The following PGAP2 variants were observed in gnomAD, a reference collection of about 807,000 sequenced individuals.
PGAP2 encodes acyltransferase PGAP2.
Under a neutral mutation model 33.2 loss-of-function variants are expected in PGAP2, and 21 were observed. The ratio of observed to expected loss-of-function variants is 0.63; its 90% CI spans 0.45 to 0.91. The LOEUF (loss-of-function observed/expected upper bound fraction) is 0.91, where lower values mean the gene tolerates loss of function less well. Among genes scored for constraint, PGAP2 ranks in the 40% least tolerant of loss-of-function variants. The pLI, the probability that PGAP2 is intolerant of heterozygous loss-of-function variation, is 0.00. For synonymous variants in PGAP2, 161 were observed against 172.9 expected (o/e 0.93, Z 0.54); for missense variants, 345 against 424.0 (o/e 0.81, Z 1.64).
In PGAP2 at chr11:3,824,380, C is replaced by CG; in HGVS notation, c.708+6dup. 1 of 1,614,088 alleles carries CG rather than the reference C, an allele frequency of 6.2e-7. No homozygotes were observed. Among genetic ancestry groups the CG allele is most frequent in the Non-Finnish European group, 8.5e-7 (1 of 1,179,940 alleles). On this transcript the variant is annotated splice_donor_region_variant and intron_variant, in intron 5 of 6. Coordinates refer to ENST00000278243, the MANE Select transcript of PGAP2 (RefSeq NM_014489.4). ...GAAGCACACAGTAAGTCAGGAGGTA[C>CG]GGTCTATCCCTAGCGGGGGCTCCAA...
chr11:3,808,850 G>A (rs1391404364), intron 1 of PGAP2, among the ~76,000 whole-genome samples, 199 bp downstream of exon 1: 1 of 152,212 alleles, frequency 6.6e-6, no homozygotes, highest in Non-Finnish European at 1.5e-5. Flanking sequence ...TCCCCAGCGT[G>A]GGGCCGGGTG....
At chr11:3,798,613 G>C (rs764418630) in intron 1 of PGAP2, among the ~76,000 whole-genome samples, 3 of 147,212 alleles carry the variant, frequency 2.0e-5, no homozygotes, top group Non-Finnish European at 3.0e-5. Context: ...TTACAGACGT[G>C]AGCCACCTCG....
At chr11:3,799,471 G>T (rs1397483183) in intron 1 of PGAP2, among the ~76,000 whole-genome samples, 2 of 152,116 alleles carry the variant, frequency 1.3e-5, no homozygotes, top group African/African-American at 4.8e-5. Context: ...AACCAGGGAG[G>T]CGGAGATTAC....
In PGAP2 at chr11:3,802,883, G is replaced by A. The variant is rs193258795; in HGVS notation, c.139+4901G>A. Among the ~76,000 whole-genome samples the A allele has an allele frequency of 5.6e-3, 839 of 149,360 alleles. 3 individuals are homozygous for A. Among genetic ancestry groups the A allele is most frequent in the Middle Eastern group, 0.01 (3 of 292 alleles). On this transcript the variant is annotated intron_variant, in intron 1 of 6. Transcript: ENST00000300730. The stretch of plus-strand genomic sequence containing the variant: ...GCTCTTTTGCCTAGGCTGGAGTGCA[G>A]TGGCACCATCTCGGCTCACTGCAAG...
rs1246412438 is a variant in PGAP2 at position 3,825,069 on chromosome 11, TCTC to T, written c.761_763del (p.Ser254del). 3 of 1,613,954 alleles carry T rather than the reference TCTC, an allele frequency of 1.9e-6. No individual in the cohort carries two copies. Among genetic ancestry groups the T allele is most frequent in the East Asian group, 2.2e-5 (1 of 44,888 alleles). On this transcript the variant is annotated inframe_deletion, in exon 6 of 7. Transcript: ENST00000278243. ...CAGCGGCTCTTCATCATCAACTTCATCTCCTTCTTCTCGGCGCTGGCTGTCTAC... is the reference window on the plus strand; with the variant it reads ...CAGCGGCTCTTCATCATCAACTTCATCTTCTTCTCGGCGCTGGCTGTCTAC...
intron 3 of PGAP2, among the ~76,000 whole-genome samples, chr11:3,820,218 C>G (rs145060206): frequency 9.5e-4 from 145 of 152,282 alleles, no homozygotes; most frequent in African/African-American, 3.5e-3. Flanking sequence ...AGTAAGGAGA[C>G]TTGGAGGTTC....
intron 3 of PGAP2, among the ~76,000 whole-genome samples, chr11:3,818,645 T>G (rs1027672097): frequency 2.0e-5 from 3 of 152,184 alleles, no homozygotes; most frequent in Non-Finnish European, 4.4e-5. Flanking sequence ...GAAACCTGGA[T>G]GGACTTCTGT....
intron 2 of PGAP2, 44 bp from the exon 3 acceptor site, chr11:3,817,309 A>G: frequency 6.6e-7 from 1 of 1,522,612 alleles, no homozygotes; most frequent in Non-Finnish European, 9.0e-7. Context: ...TCCCAGACCC[A>G]GGTGTCCTAC....
upstream of PGAP2, among the ~76,000 whole-genome samples, chr11:3,806,277 C>T (rs534209169): frequency 4.6e-5 from 7 of 150,894 alleles, no homozygotes; most frequent in South Asian, 1.0e-3. Context: ...TGACATGAAG[C>T]CCCAAGGCAG....
chr11:3,824,326 C>G lies in PGAP2; in HGVS notation c.658C>G (p.Leu220Val). 6.2e-7 allele frequency: 1 copy of G among 1,614,230 alleles called. No individual in the cohort carries two copies. The highest frequency in any genetic ancestry group is 2.2e-5 in the East Asian group (1 of 44,892). Residue 220 changes from leucine to valine, a missense_variant, in exon 5 of 7, where the codon CTC becomes GTC. This residue lies in a region of PGAP2 where 311 missense variants were observed against 353.6 expected (regional missense o/e 0.88). Coordinates refer to ENST00000278243, the MANE Select transcript of PGAP2 (RefSeq NM_014489.4). ...FIASSLGHMLLTCILWRLTKK... is the reference protein window; with the variant it reads ...FIASSLGHMLVTCILWRLTKK... The stretch of plus-strand genomic sequence containing the variant: ...TGCCTCATCCCTCGGGCACATGCTC[C>G]TCACCTGCATTCTCTGGCGGTTGAC...
chr11:3,810,898 T>G (rs1160881062), intron 1 of PGAP2, among the ~76,000 whole-genome samples: 2 of 152,174 alleles, frequency 1.3e-5, no homozygotes, highest in African/African-American at 4.8e-5. Context: ...GGTTTTAGGG[T>G]TGGTTCTTGA....
intron 2 of PGAP2, among the ~76,000 whole-genome samples, chr11:3,813,445 A>G (rs930419950): frequency 6.6e-6 from 1 of 151,948 alleles, no homozygotes; most frequent in African/African-American, 2.4e-5. Flanking sequence ...GTGCAGTGGC[A>G]TGATCATAGC....
chr11:3,809,641 T>G (rs1304968019), intron 1 of PGAP2, among the ~76,000 whole-genome samples: 3 of 152,156 alleles, frequency 2.0e-5, no homozygotes, highest in Non-Finnish European at 4.4e-5. Context: ...GAGTCTAGGT[T>G]TGGGCTGGGT....
At chr11:3,808,555 C>G (rs2084887859), upstream of PGAP2, 2 of 1,393,732 alleles carry the variant, frequency 1.4e-6, no homozygotes, top group Admixed American at 3.1e-5. Flanking sequence ...GGCCCCGCCC[C>G]CGCCGTTCGC....
intron 5 of PGAP2, 112 bp from the exon 6 acceptor site, chr11:3,824,908 C>T (rs1238288050): frequency 6.5e-7 from 1 of 1,529,278 alleles, no homozygotes. Flanking sequence ...TCCATGACCG[C>T]TAGTGGGAGC....
At chr11:3,814,743 C>CCTTCTTTCCTTCTTTT in intron 2 of PGAP2, among the ~76,000 whole-genome samples, 1 of 100,146 alleles carries the variant, frequency 1.0e-5, no homozygotes, top group Non-Finnish European at 2.4e-5. Flanking sequence ...TTCCTTCTTT[C>CCTTCTTTCCTTCTTTT]CTTCTTTTCT....
At chr11:3,821,578 G>A (rs2088648598) in intron 3 of PGAP2, among the ~76,000 whole-genome samples, 1 of 152,060 alleles carries the variant, frequency 6.6e-6, no homozygotes, top group Non-Finnish European at 1.5e-5. Context: ...GCCCAACATG[G>A]TGAAACCCCA....
At chr11:3,816,818 G>C (rs2087137327) in intron 2 of PGAP2, among the ~76,000 whole-genome samples, 1 of 152,162 alleles carries the variant, frequency 6.6e-6, no homozygotes, top group Admixed American at 6.6e-5. Context: ...GGTCAGACAG[G>C]GTCAGTGGGA....
At chr11:3,818,326 C>CAAA (rs5789309) in intron 3 of PGAP2, among the ~76,000 whole-genome samples, 1 of 97,644 alleles carries the variant, frequency 1.0e-5, no homozygotes. Context: ...AAGATCGTGC[C>CAAA]AAAAAAAAAA....
Sources: allele counts gnomAD v4.1 joint callset (sites outside exome capture counted in the v4.1 genomes callset), GRCh38; gene constraint gnomAD v4.1.1; regional missense constraint gnomAD v4.1.1; transcripts MANE v1.5; gene names NCBI Gene and HGNC (gene_info 2026-07-23, HGNC 2026-07-21).